The following BRCC3 variants were observed in gnomAD, a reference collection of about 807,000 sequenced individuals.
BRCC3 encodes lys-63-specific deubiquitinase BRCC36.
In BRCC3, 15 loss-of-function variants were observed where a neutral mutation model predicts 28.0. The observed-to-expected ratio is 0.54, with a 90% CI of 0.36 to 0.82. BRCC3 has a LOEUF of 0.82. Among genes scored for constraint, BRCC3 ranks in the 40% least tolerant of loss-of-function variants. The probability of loss-of-function intolerance (pLI) is 0.01; values close to 1 mark genes in which losing one functional copy is unlikely to be tolerated. For synonymous variants in BRCC3, 66 were observed against 80.3 expected (o/e 0.82, Z 0.95); for missense variants, 109 against 225.9 (o/e 0.48, Z 3.32).
chrX:155,091,578 A>G (rs1249276063), intron 7 of BRCC3, among the ~76,000 whole-genome samples: 1 of 111,731 alleles, frequency 9.0e-6, no homozygotes, highest in Non-Finnish European at 1.9e-5. Flanking sequence ...GGCCACTAGC[A>G]AATCTTAATT....
intron 7 of BRCC3, among the ~76,000 whole-genome samples, chrX:155,098,525 C>T (rs972731366): frequency 8.9e-6 from 1 of 111,959 alleles, no homozygotes; most frequent in African/African-American, 3.3e-5. Flanking sequence ...GCTTGTAGGC[C>T]AGGTTGGCCT....
At chrX:155,080,254 A>T (rs1331108186) in intron 5 of BRCC3, among the ~76,000 whole-genome samples, 3 of 111,972 alleles carry the variant, frequency 2.7e-5, no homozygotes, top group African/African-American at 9.7e-5. Context: ...AAATAAATAC[A>T]TAAAATTTGG....
chrX:155,113,278 A>G (rs782504415), intron 7 of BRCC3, among the ~76,000 whole-genome samples: 4 of 108,893 alleles, frequency 3.7e-5, no homozygotes, highest in Middle Eastern at 4.7e-3. Flanking sequence ...TTCAAAAGTA[A>G]CTACAAAGCT....
At chrX:155,086,377 C>T (rs975739346) in intron 5 of BRCC3, among the ~76,000 whole-genome samples, 2 of 112,153 alleles carry the variant, frequency 1.8e-5, no homozygotes, top group Non-Finnish European at 3.8e-5. Flanking sequence ...CCGTCCCTCC[C>T]TCCCTTCCTT....
At chrX:155,078,765 C>T (rs781947756) in intron 5 of BRCC3, 62 bp downstream of exon 5, 1 of 852,253 alleles carries the variant, frequency 1.2e-6, no homozygotes, top group East Asian at 3.5e-5. Flanking sequence ...TTTCCTTTTC[C>T]ATTACATAGG....
chrX:155,102,724 A>G (rs1378542385), intron 7 of BRCC3, among the ~76,000 whole-genome samples: 2 of 112,484 alleles, frequency 1.8e-5, no homozygotes, highest in African/African-American at 6.4e-5. Context: ...GATTTTTCAT[A>G]GATTCCTTTA....
chrX:155,091,453 A>G (rs970219351), intron 7 of BRCC3, among the ~76,000 whole-genome samples: 9 of 109,824 alleles, frequency 8.2e-5, no homozygotes, highest in Non-Finnish European at 1.7e-4. Flanking sequence ...TGTATTTTTA[A>G]TAGAGATGGG....
At chrX:155,098,387 G>A (rs1332108242) in intron 7 of BRCC3, among the ~76,000 whole-genome samples, 2 of 112,290 alleles carry the variant, frequency 1.8e-5, no homozygotes, top group Non-Finnish European at 3.8e-5. Flanking sequence ...GTTTAGACTT[G>A]AGGGAGGGAC....
intron 7 of BRCC3, among the ~76,000 whole-genome samples, chrX:155,102,834 CTAAT>C (rs2074254976): frequency 8.9e-6 from 1 of 112,056 alleles, no homozygotes; most frequent in Non-Finnish European, 1.9e-5. Context: ...CCTTTATAGA[CTAAT>C]TAGCTGTAGT....
intron 7 of BRCC3, among the ~76,000 whole-genome samples, chrX:155,092,745 C>G (rs2074183128): frequency 1.8e-5 from 2 of 111,091 alleles, no homozygotes; most frequent in Admixed American, 1.9e-4. Flanking sequence ...TACTGCACAG[C>G]TGACATTCTG....
At chrX:155,105,369 G>A (rs1036557707) in intron 7 of BRCC3, among the ~76,000 whole-genome samples, 9 of 111,578 alleles carry the variant, frequency 8.1e-5, no homozygotes, top group Non-Finnish European at 1.5e-4. Flanking sequence ...TGTAATCCCA[G>A]CTACTCGGGA....
At chrX:155,076,641 G>A (rs145283669) in intron 3 of BRCC3, among the ~76,000 whole-genome samples, 14 of 111,081 alleles carry the variant, frequency 1.3e-4, no homozygotes, top group African/African-American at 4.3e-4. Flanking sequence ...TGAGAACAGC[G>A]TAGGGGAAAT....
At chrX:155,073,167 A>G (rs1358592946) in intron 2 of BRCC3, among the ~76,000 whole-genome samples, 1 of 112,031 alleles carries the variant, frequency 8.9e-6, no homozygotes, top group African/African-American at 3.3e-5. Flanking sequence ...TTTGTCCATT[A>G]TAACTTTATA....
At chrX:155,096,199 C>G (rs2074208554) in intron 7 of BRCC3, among the ~76,000 whole-genome samples, 1 of 111,989 alleles carries the variant, frequency 8.9e-6, no homozygotes, top group Admixed American at 9.4e-5. Flanking sequence ...TAGGAAGTAT[C>G]CAGAATAGCT....
At chrX:155,074,964 G>C (rs1359798167) in intron 3 of BRCC3, among the ~76,000 whole-genome samples, 1 of 112,052 alleles carries the variant, frequency 8.9e-6, no homozygotes, top group African/African-American at 3.2e-5. Flanking sequence ...TGTGAGCCAC[G>C]AATGTGATCC....
At chrX:155,105,431 C>A (rs370671454) in intron 7 of BRCC3, among the ~76,000 whole-genome samples, 1 of 111,270 alleles carries the variant, frequency 9.0e-6, no homozygotes, top group African/African-American at 3.3e-5. Context: ...TGCAGTGAGC[C>A]GAGATTGTGC....
chrX:155,112,192 C>T (rs2074326277), intron 7 of BRCC3, among the ~76,000 whole-genome samples: 1 of 111,738 alleles, frequency 8.9e-6, no homozygotes, highest in Admixed American at 9.5e-5. Flanking sequence ...TTCTCTTTGG[C>T]ATAGCAGAAC....
intron 5 of BRCC3, among the ~76,000 whole-genome samples, chrX:155,085,592 A>AC (rs2074117980): frequency 8.9e-6 from 1 of 112,231 alleles, no homozygotes; most frequent in African/African-American, 3.2e-5. Flanking sequence ...CAGATAAGCG[A>AC]CCTCCAACTT....
chrX:155,119,586 C>A (rs782055893), intron 9 of BRCC3, among the ~76,000 whole-genome samples: 1 of 112,274 alleles, frequency 8.9e-6, no homozygotes, highest in Admixed American at 9.4e-5. Flanking sequence ...TATATACCTA[C>A]AGGGCGCTCT....
Sources: gnomAD v4.1 joint callset for allele counts (sites outside exome capture counted in the v4.1 genomes callset) on GRCh38, gnomAD v4.1.1 for gene constraint, MANE v1.5 for transcripts, NCBI Gene and HGNC (gene_info 2026-07-23, HGNC 2026-07-21) for gene names.